Variants in OSBPL10 observed in about 807,000 individuals in gnomAD.
OSBPL10 encodes oxysterol-binding protein-related protein 10.
A neutral mutation model predicts 81.7 loss-of-function variants in OSBPL10; 49 were observed. That is an observed-to-expected ratio of 0.60 (90% CI 0.48 to 0.76). The LOEUF (loss-of-function observed/expected upper bound fraction) is 0.76, where lower values mean the gene tolerates loss of function less well. Among genes scored for constraint, OSBPL10 ranks in the 30% least tolerant of loss-of-function variants. The probability of loss-of-function intolerance (pLI) is 0.00; values close to 1 mark genes in which losing one functional copy is unlikely to be tolerated. For missense variants in OSBPL10, 923 were observed against 987.8 expected (o/e 0.93, Z 0.88); for synonymous variants, 419 against 383.6 (o/e 1.09, Z -1.08).
rs1383695325 is a variant in OSBPL10 at position 31,686,410 on chromosome 3, T to C, written c.1246-2296A>G. On this transcript the variant is annotated intron_variant, in intron 7 of 11. Transcript: ENST00000396556. The stretch of plus-strand genomic sequence containing the variant: ...GATCTCCTTTAATGCTTTTCTATCT[T>C]TCATTTGAAAAGTATGTCAGGAGAA... Among the ~76,000 whole-genome samples the C allele has an allele frequency of 3.3e-5, 5 of 152,176 alleles. No individual in the cohort carries two copies. In the South Asian group the frequency reaches 6.2e-4, roughly 19 times the overall value.
chr3:31,747,272 T>G (rs1697555380), intron 5 of OSBPL10, among the ~76,000 whole-genome samples: 1 of 151,794 alleles, frequency 6.6e-6, no homozygotes, highest in African/African-American at 2.4e-5. Flanking sequence ...GAGCCGAGAT[T>G]GTGCCACTGC....
At chr3:31,959,141 C>T (rs1458081004) in intron 1 of OSBPL10, among the ~76,000 whole-genome samples, 1 of 152,156 alleles carries the variant, frequency 6.6e-6, no homozygotes, top group East Asian at 1.9e-4. Flanking sequence ...GAACAACTCT[C>T]AATTAAAGAG....
intron 4 of OSBPL10, among the ~76,000 whole-genome samples, chr3:31,828,249 C>T (rs1164722148): frequency 6.6e-6 from 1 of 152,112 alleles, no homozygotes; most frequent in Admixed American, 6.5e-5. Context: ...ATTTATCTAA[C>T]AGGAACTTTT....
intron 3 of OSBPL10, among the ~76,000 whole-genome samples, chr3:31,845,645 A>G (rs1700610788): frequency 6.6e-6 from 1 of 152,222 alleles, no homozygotes; most frequent in African/African-American, 2.4e-5. Flanking sequence ...CTTCACCAAG[A>G]GGAAATGCTA....
chr3:31,693,318 T>C (rs960792665), intron 7 of OSBPL10, among the ~76,000 whole-genome samples: 4 of 152,162 alleles, frequency 2.6e-5, no homozygotes, highest in African/African-American at 4.8e-5. Flanking sequence ...ATGCTAGAAA[T>C]TGGGCCTAAT....
chr3:31,714,447 C>T (rs1022672150), intron 6 of OSBPL10, among the ~76,000 whole-genome samples: 5 of 152,094 alleles, frequency 3.3e-5, no homozygotes, highest in Non-Finnish European at 5.9e-5. Context: ...AGAGAAAGCA[C>T]GAGAGGCAGC....
intron 6 of OSBPL10, among the ~76,000 whole-genome samples, chr3:31,731,392 A>G (rs562437491): frequency 1.3e-5 from 2 of 152,316 alleles, no homozygotes; most frequent in South Asian, 4.1e-4. Context: ...CTAGAAATTA[A>G]TGACTGTCTC....
chr3:31,845,449 G>A (rs947542864), intron 3 of OSBPL10, among the ~76,000 whole-genome samples: 2 of 152,210 alleles, frequency 1.3e-5, no homozygotes, highest in Non-Finnish European at 2.9e-5. Flanking sequence ...TAAAGTGCTT[G>A]TTGTAGAGAG....
At chr3:32,026,034 A>AGATAGATAGATAGATAGATAGATAGAT (rs1559551403) in intron 2 of OSBPL10, among the ~76,000 whole-genome samples, 32 of 123,958 alleles carry the variant, frequency 2.6e-4, no homozygotes, top group African/African-American at 1.0e-3. Context: ...ATAGATAGAT[A>AGATAGATAGATAGATAGATAGATAGAT]GATAGATAGA....
chr3:31,771,588 C>A (rs1423928534), intron 4 of OSBPL10, among the ~76,000 whole-genome samples: 1 of 152,136 alleles, frequency 6.6e-6, no homozygotes, highest in Non-Finnish European at 1.5e-5. Context: ...AGGAACTCCC[C>A]AAACCTCCAT....
At position 32,054,688 on chromosome 3, in the gene OSBPL10, C is replaced by T. The variant is rs545078619; in HGVS notation, n.186-8085G>A. 5.3e-5 allele frequency among the ~76,000 whole-genome samples: 8 copies of T among 152,000 alleles called. No homozygotes were observed. In the East Asian group the frequency reaches 5.8e-4, roughly 11 times the overall value. Reference sequence around the variant, plus strand: ...CTGGGATTACGGGGGCGGGCCACTACGCCCAGCTAAGTTTTGTATTTTTTA... The same window carrying T: ...CTGGGATTACGGGGGCGGGCCACTATGCCCAGCTAAGTTTTGTATTTTTTA... On this transcript the variant is annotated intron_variant and non_coding_transcript_variant, in intron 1 of 3. Coordinates refer to the OSBPL10 transcript ENST00000479173.
chr3:31,905,741 T>C (rs941040679), intron 1 of OSBPL10, among the ~76,000 whole-genome samples: 1 of 151,990 alleles, frequency 6.6e-6, no homozygotes, highest in African/African-American at 2.4e-5. Context: ...ATTCTAAGCA[T>C]TGACTATGAT....
chr3:31,859,356 G>A (rs80203636), intron 3 of OSBPL10, among the ~76,000 whole-genome samples: 14 of 152,240 alleles, frequency 9.2e-5, no homozygotes, highest in Non-Finnish European at 1.3e-4. Context: ...CAGGGAGGGC[G>A]TAGAAGTTCC....
intron 1 of OSBPL10, among the ~76,000 whole-genome samples, chr3:31,892,222 G>A (rs888067495): frequency 6.6e-6 from 1 of 152,012 alleles, no homozygotes; most frequent in African/African-American, 2.4e-5. Context: ...ACGGAGTGGG[G>A]AGAGGGAATG....
intron 4 of OSBPL10, among the ~76,000 whole-genome samples, chr3:31,759,855 G>A (rs1313513452): frequency 6.6e-6 from 1 of 152,088 alleles, no homozygotes; most frequent in Non-Finnish European, 1.5e-5. Context: ...TGCCTCCTGG[G>A]TTCAAGTAAT....
rs117183270 is a variant in OSBPL10 at position 32,052,995 on chromosome 3, G to A, written n.186-6392C>T. Among the ~76,000 whole-genome samples, 735 of 152,154 alleles carry A rather than the reference G, an allele frequency of 4.8e-3. 18 individuals are homozygous for A. In the East Asian group the frequency reaches 0.089, roughly 18 times the overall value. ...CAAAAAAAAATTGATTGACTTACCT[G>A]CCTTGGAGCCAGTAGATTCTAGGTA... is the stretch of plus-strand genomic sequence containing the variant. On this transcript the variant is annotated intron_variant and non_coding_transcript_variant, in intron 1 of 3. Transcript: ENST00000479173.
chr3:32,067,220 A>C (rs1315655643), intron 1 of OSBPL10, among the ~76,000 whole-genome samples: 1 of 152,078 alleles, frequency 6.6e-6, no homozygotes, highest in East Asian at 1.9e-4. Context: ...CTTTAATTTA[A>C]ATTTTTTTGT....
At chr3:31,814,110 G>C (rs1699774355) in intron 4 of OSBPL10, among the ~76,000 whole-genome samples, 1 of 152,118 alleles carries the variant, frequency 6.6e-6, no homozygotes, top group Non-Finnish European at 1.5e-5. Flanking sequence ...GGGCAGGGTG[G>C]AGTCTACTCC....
At chr3:32,054,043 G>A in intron 1 of OSBPL10, among the ~76,000 whole-genome samples, 1 of 152,158 alleles carries the variant, frequency 6.6e-6, no homozygotes, top group Admixed American at 6.6e-5. Context: ...AAAAAGAAGG[G>A]AAAGACAAGA....
Sources: gnomAD v4.1 joint callset for allele counts (sites outside exome capture counted in the v4.1 genomes callset) on GRCh38, gnomAD v4.1.1 for gene constraint, MANE v1.5 for transcripts, NCBI Gene and HGNC (gene_info 2026-07-23, HGNC 2026-07-21) for gene names.